Variants in ZMYM2 observed in about 807,000 individuals in gnomAD.
ZMYM2 encodes the protein zinc finger MYM-type protein 2.
A neutral mutation model predicts 162.8 loss-of-function variants in ZMYM2; 56 were observed. That is an observed-to-expected ratio of 0.34 (90% CI 0.28 to 0.43). The LOEUF is 0.43. Ranked by LOEUF, ZMYM2 falls within the 20% of genes least tolerant of loss-of-function variation. The pLI is 1.00. For missense variants in ZMYM2, 1,275 were observed against 1,621.8 expected, an observed-to-expected ratio of 0.79 and a Z score of 3.67; for synonymous variants, 510 against 541.6, an observed-to-expected ratio of 0.94 and a Z score of 0.81.
intron 2 of ZMYM2, among the ~76,000 whole-genome samples, chr13:19,978,947 T>C (rs1357084914): frequency 1.3e-5 from 2 of 152,218 alleles, no homozygotes; most frequent in Non-Finnish European, 2.9e-5. Flanking sequence ...TTCTTTCTGC[T>C]TTTGCTTATT....
the ZMYM2 span, among the ~76,000 whole-genome samples, chr13:19,906,881 T>A: frequency 1.3e-5 from 2 of 152,188 alleles, no homozygotes; most frequent in Admixed American, 1.3e-4. Context: ...TTTATCTGTT[T>A]CTCTGCAATT....
chr13:20,036,235 A>G (rs937149992), intron 11 of ZMYM2, among the ~76,000 whole-genome samples: 2 of 149,774 alleles, frequency 1.3e-5, no homozygotes, highest in African/African-American at 4.9e-5. Context: ...ACTAGATAAC[A>G]AAAGTATTTT....
At chr13:19,941,125 A>G in the ZMYM2 span, among the ~76,000 whole-genome samples, 1 of 152,112 alleles carries the variant, frequency 6.6e-6, no homozygotes, top group Admixed American at 6.6e-5. Flanking sequence ...CCTGGTTAAC[A>G]TGGTGAAACC....
chr13:19,963,982 C>T (rs1468769427), intron 2 of ZMYM2, among the ~76,000 whole-genome samples: 1 of 152,096 alleles, frequency 6.6e-6, no homozygotes, highest in Non-Finnish European at 1.5e-5. Flanking sequence ...AAAATCAATG[C>T]TCTTTAATTT....
At chr13:20,065,414 C>G (rs746746646) in intron 19 of ZMYM2, among the ~76,000 whole-genome samples, 22 of 151,972 alleles carry the variant, frequency 1.4e-4, no homozygotes, top group South Asian at 4.1e-4. Flanking sequence ...GGTAAGATAC[C>G]AAACGCACAG....
rs188075871 is a variant in ZMYM2 at position 20,062,076 on chromosome 13, A to G, written c.2912-770A>G. On this transcript the variant is annotated intron_variant, in intron 17 of 24. Coordinates refer to ENST00000610343, the MANE Select transcript of ZMYM2 (RefSeq NM_197968.4). ...TCTTGATACCCAAAGTCCTATTTCA[A>G]CCTTGAGCTAATTCTTACCCTTACC... 2.6e-4 allele frequency among the ~76,000 whole-genome samples: 39 copies of G among 152,246 alleles called. No homozygotes were observed. In the East Asian group the frequency reaches 5.4e-3, roughly 21 times the overall value.
chr13:20,072,208 G>C (rs1367016873), intron 21 of ZMYM2: 1 of 152,490 alleles, frequency 6.6e-6, no homozygotes, highest in Non-Finnish European at 1.5e-5. Flanking sequence ...TTTGGTTTGA[G>C]GGTAGTAGTG....
the ZMYM2 span, among the ~76,000 whole-genome samples, chr13:19,872,368 G>A: frequency 1.3e-5 from 2 of 151,938 alleles, no homozygotes; most frequent in African/African-American, 4.8e-5. Context: ...TGACCAACAT[G>A]GTGAAACTCT....
chr13:19,988,036 G>A (rs925901068), intron 2 of ZMYM2, among the ~76,000 whole-genome samples: 5 of 152,194 alleles, frequency 3.3e-5, no homozygotes, highest in East Asian at 1.9e-4. Context: ...TTTTGAAACC[G>A]AGCTCTGTGT....
the ZMYM2 span, among the ~76,000 whole-genome samples, chr13:19,901,371 C>T: frequency 6.6e-6 from 1 of 152,192 alleles, no homozygotes; most frequent in African/African-American, 2.4e-5. Context: ...AAGGTAGAAG[C>T]AACCCAAGCG....
intron 12 of ZMYM2, among the ~76,000 whole-genome samples, chr13:20,042,476 G>A (rs1954349731): frequency 6.6e-6 from 1 of 152,080 alleles, no homozygotes; most frequent in Non-Finnish European, 1.5e-5. Context: ...TCCTTGGATT[G>A]AGTTTCAGTG....
intron 2 of ZMYM2, among the ~76,000 whole-genome samples, chr13:19,971,130 A>G (rs1956274585): frequency 6.6e-6 from 1 of 151,606 alleles, no homozygotes; most frequent in African/African-American, 2.4e-5. Context: ...AATATTACAT[A>G]CAGGTAAGGG....
chr13:20,064,354 A>T, intron 18 of ZMYM2, 97 bp from the exon 19 acceptor site: 1 of 995,132 alleles, frequency 1.0e-6, no homozygotes, highest in Non-Finnish European at 1.4e-6. Flanking sequence ...CCCATGTATG[A>T]ATGCTGGTTT....
At chr13:20,048,300 A>T (rs2140519273) in intron 12 of ZMYM2, among the ~76,000 whole-genome samples, 1 of 145,294 alleles carries the variant, frequency 6.9e-6, no homozygotes, top group East Asian at 2.0e-4. Flanking sequence ...TTTTTTTAAA[A>T]TTTTTTTGAA....
chr13:19,951,558 C>T, the ZMYM2 span, among the ~76,000 whole-genome samples: 8 of 104,482 alleles, frequency 7.7e-5, no homozygotes, highest in South Asian at 3.5e-4. Context: ...AAAAATTTAC[C>T]GGGGGTCGTG....
intron 21 of ZMYM2, among the ~76,000 whole-genome samples, chr13:20,074,019 T>C (rs1203329678): frequency 6.6e-6 from 1 of 152,162 alleles, no homozygotes; most frequent in Non-Finnish European, 1.5e-5. Context: ...TAACTCTCCA[T>C]TTCCTTCTCT....
the ZMYM2 span, among the ~76,000 whole-genome samples, chr13:19,920,937 ATTTTTTTT>A: frequency 7.2e-6 from 1 of 138,292 alleles, no homozygotes; most frequent in African/African-American, 2.7e-5. Flanking sequence ...TAATTTTTGT[ATTTTTTTT>A]TTTTTAGGAG....
chr13:20,058,477 G>GAT, intron 14 of ZMYM2, 98 bp from the exon 15 acceptor site: 1 of 1,414,336 alleles, frequency 7.1e-7, no homozygotes. Flanking sequence ...TTCTGCTTTT[G>GAT]TGTGTTCCCT....
chr13:20,019,094 C>CAAAAAAAAAAAAAAAA, intron 6 of ZMYM2, among the ~76,000 whole-genome samples: 1 of 134,782 alleles, frequency 7.4e-6, no homozygotes, highest in Non-Finnish European at 1.5e-5. Context: ...AAAAAAAAAA[C>CAAAAAAAAAAAAAAAA]AACAACAACA....
Sources: gnomAD v4.1 joint callset for allele counts (sites outside exome capture counted in the v4.1 genomes callset) on GRCh38, gnomAD v4.1.1 for gene constraint, MANE v1.5 for transcripts, NCBI Gene and HGNC (gene_info 2026-07-23, HGNC 2026-07-21) for gene names.